Variants in DIAPH2 observed in about 807,000 individuals in gnomAD.
DIAPH2 encodes diaphanous related formin 2, also known as protein diaphanous homolog 2.
DIAPH2 carries 35 observed loss-of-function variants against 92.7 expected under a neutral mutation model. That is an observed-to-expected ratio of 0.38 (90% CI 0.29 to 0.50). The LOEUF is 0.50. Ranked by LOEUF, DIAPH2 falls within the 20% of genes least tolerant of loss-of-function variation. The pLI is 0.94. For synonymous variants in DIAPH2, 301 were observed against 280.4 expected (o/e 1.07, Z -0.73); for missense variants, 701 against 819.5 (o/e 0.86, Z 1.77).
chrX:97,596,314 C>CAT (rs2071551288), intron 26 of DIAPH2, among the ~76,000 whole-genome samples: 1 of 111,852 alleles, frequency 8.9e-6, no homozygotes, highest in African/African-American at 3.3e-5. Flanking sequence ...CCCCAACAAG[C>CAT]ATATATACAC....
intron 20 of DIAPH2, among the ~76,000 whole-genome samples, chrX:97,106,531 A>C (rs2147370125): frequency 8.9e-6 from 1 of 112,183 alleles, no homozygotes; most frequent in Admixed American, 9.5e-5. Context: ...AGTAGGTGTC[A>C]ATTAATTTTG....
intron 26 of DIAPH2, among the ~76,000 whole-genome samples, chrX:97,462,708 T>A (rs753736619): frequency 9.0e-6 from 1 of 111,626 alleles, no homozygotes; most frequent in East Asian, 2.8e-4. Context: ...TCAATGGATA[T>A]AGAATGATTA....
chrX:96,928,286 A>G (rs893110605), intron 9 of DIAPH2, among the ~76,000 whole-genome samples: 2 of 111,087 alleles, frequency 1.8e-5, no homozygotes, highest in African/African-American at 6.5e-5. Flanking sequence ...TATGTAAAGG[A>G]CCTAATACAT....
intron 26 of DIAPH2, among the ~76,000 whole-genome samples, chrX:97,475,506 T>C (rs1467314395): frequency 8.9e-6 from 1 of 112,160 alleles, no homozygotes; most frequent in Non-Finnish European, 1.9e-5. Context: ...TGCTGCATCC[T>C]GTACTGCATT....
At chrX:97,504,309 T>C in intron 26 of DIAPH2, among the ~76,000 whole-genome samples, 1 of 112,251 alleles carries the variant, frequency 8.9e-6, no homozygotes, top group Middle Eastern at 4.6e-3. Flanking sequence ...TTTGTTAGGC[T>C]TTTTGGGATT....
intron 26 of DIAPH2, among the ~76,000 whole-genome samples, chrX:97,516,337 C>G (rs1001838824): frequency 8.9e-6 from 1 of 111,810 alleles, no homozygotes. Context: ...ATACTATGTG[C>G]TTAGTACTGT....
intron 24 of DIAPH2, among the ~76,000 whole-genome samples, chrX:97,363,455 G>A (rs1255977980): frequency 1.0e-4 from 11 of 107,137 alleles, no homozygotes; most frequent in Non-Finnish European, 1.9e-4. Flanking sequence ...CCAGGAGTTC[G>A]AGACCAGCCT....
intron 21 of DIAPH2, among the ~76,000 whole-genome samples, chrX:97,116,157 C>T (rs777290440): frequency 9.5e-4 from 106 of 111,903 alleles, no homozygotes; most frequent in African/African-American, 3.4e-3. Context: ...ATGTTCATTA[C>T]ATATACATGG....
At chrX:96,934,010 A>C (rs1232882890) in intron 10 of DIAPH2, among the ~76,000 whole-genome samples, 2 of 110,660 alleles carry the variant, frequency 1.8e-5, no homozygotes, top group Non-Finnish European at 3.8e-5. Context: ...AGCCTCCCAA[A>C]GTGCTGGGAT....
chrX:97,042,724 TA>T lies in DIAPH2; in HGVS notation c.2051-30216del, dbSNP rs758931958. On this transcript the variant is annotated intron_variant, in intron 17 of 26. Coordinates refer to ENST00000324765, the MANE Select transcript of DIAPH2 (RefSeq NM_006729.5). ...AAGTGGAGAAACTATTGCTTCTTCTTATCTTGTTTATTTTGTTTGCTACTTA... is the reference window on the plus strand; with the variant it reads ...AAGTGGAGAAACTATTGCTTCTTCTTTCTTGTTTATTTTGTTTGCTACTTA... Among the ~76,000 whole-genome samples, 20 of 112,308 alleles carry T rather than the reference TA, an allele frequency of 1.8e-4. No individual in the cohort carries two copies. In the East Asian group the frequency reaches 5.3e-3, roughly 30 times the overall value.
chrX:96,766,536 A>G (rs937872312), intron 4 of DIAPH2, among the ~76,000 whole-genome samples: 3 of 111,685 alleles, frequency 2.7e-5, no homozygotes, highest in Admixed American at 9.5e-5. Flanking sequence ...ACCAGGTACA[A>G]AAGGGCTTTT....
intron 23 of DIAPH2, among the ~76,000 whole-genome samples, chrX:97,346,882 G>C (rs189058501): frequency 9.0e-6 from 1 of 110,799 alleles, no homozygotes; most frequent in African/African-American, 3.3e-5. Flanking sequence ...TTTCTTGCCT[G>C]CTTCAGGAGA....
In DIAPH2 at chrX:97,247,946, G is replaced by C; in HGVS notation, c.2844+107G>C. 4 of 742,745 alleles carry C rather than the reference G, an allele frequency of 5.4e-6. No homozygotes were observed. In the South Asian group the frequency reaches 1.8e-4, roughly 34 times the overall value. 61.2% of individuals were successfully genotyped at this position (742,745 alleles called of 1,213,427 possible). On this transcript the variant is annotated intron_variant, in intron 23 of 26. Coordinates refer to ENST00000324765, the MANE Select transcript of DIAPH2 (RefSeq NM_006729.5). ...ATTTACTAGTCTTTTCACACCATCT[G>C]GATGAATTTGTGTATATGCTGTTTT... is the stretch of plus-strand genomic sequence containing the variant.
At chrX:96,909,536 T>A (rs1374035772) in intron 5 of DIAPH2, among the ~76,000 whole-genome samples, 4 of 111,203 alleles carry the variant, frequency 3.6e-5, no homozygotes, top group African/African-American at 1.3e-4. Context: ...CCACACCTCC[T>A]TCCTTTTAAC....
intron 4 of DIAPH2, among the ~76,000 whole-genome samples, chrX:96,803,578 A>G (rs2064600711): frequency 8.9e-6 from 1 of 112,449 alleles, no homozygotes; most frequent in South Asian, 3.6e-4. Flanking sequence ...ACAAAGAAAG[A>G]ATACCTAAGC....
intron 4 of DIAPH2, among the ~76,000 whole-genome samples, chrX:96,862,479 T>A (rs2065078247): frequency 8.9e-6 from 1 of 111,807 alleles, no homozygotes; most frequent in Non-Finnish European, 1.9e-5. Context: ...ACTTCATTTG[T>A]CTCTGTTTTA....
chrX:96,826,401 A>G (rs2064816301), intron 4 of DIAPH2, among the ~76,000 whole-genome samples: 1 of 110,535 alleles, frequency 9.0e-6, no homozygotes, highest in Admixed American at 9.6e-5. Context: ...TGGGCGACAG[A>G]ACAAGGCTCT....
intron 1 of DIAPH2, among the ~76,000 whole-genome samples, chrX:96,688,127 T>C (rs2063780775): frequency 8.9e-6 from 1 of 111,809 alleles, no homozygotes; most frequent in South Asian, 3.7e-4. Context: ...GAGAGGCCAA[T>C]GTTGATGCAG....
At chrX:96,779,917 T>C (rs987686432) in intron 4 of DIAPH2, among the ~76,000 whole-genome samples, 2 of 112,107 alleles carry the variant, frequency 1.8e-5, no homozygotes, top group African/African-American at 6.5e-5. Flanking sequence ...CTATTTATTT[T>C]AAAAATTTAC....
Sources: allele counts gnomAD v4.1 joint callset (sites outside exome capture counted in the v4.1 genomes callset), GRCh38; gene constraint gnomAD v4.1.1; transcripts MANE v1.5; gene names NCBI Gene and HGNC (gene_info 2026-07-23, HGNC 2026-07-21).